MCM9: variants seen among roughly 807,000 people sequenced by gnomAD.
The protein encoded by MCM9 is DNA helicase MCM9.
MCM9 carries 55 observed loss-of-function variants against 72.8 expected under a neutral mutation model. The observed-to-expected ratio is 0.76, with a 90% CI of 0.61 to 0.95. MCM9 has a LOEUF of 0.95. Ranked by LOEUF, MCM9 falls within the 40% of genes least tolerant of loss-of-function variation. The probability of loss-of-function intolerance (pLI) is 0.00; values close to 1 mark genes in which losing one functional copy is unlikely to be tolerated. For synonymous variants in MCM9, 480 were observed against 503.4 expected (o/e 0.95, Z 0.62); for missense variants, 1,279 against 1,377.0 (o/e 0.93, Z 1.13).
At chr6:118,831,590 C>T (rs545107469) in intron 9 of MCM9, among the ~76,000 whole-genome samples, 3 of 152,032 alleles carry the variant, frequency 2.0e-5, no homozygotes, top group Admixed American at 1.3e-4. Context: ...ATATGTAAAC[C>T]TGGTGGGTAC....
chr6:118,848,371 C>T (rs1047636493), intron 9 of MCM9, among the ~76,000 whole-genome samples: 10 of 151,710 alleles, frequency 6.6e-5, no homozygotes, highest in South Asian at 2.1e-4. Context: ...TATTATAAAA[C>T]GTAAGCCCTA....
intron 9 of MCM9, among the ~76,000 whole-genome samples, chr6:118,843,686 G>GTATGTATATATATA (rs1342376738): frequency 0.01 from 326 of 31,204 alleles, 5 homozygotes; most frequent in South Asian, 0.04. Flanking sequence ...ATATATATAT[G>GTATGTATATATATA]TGTATATATA....
intron 9 of MCM9, among the ~76,000 whole-genome samples, chr6:118,842,454 T>C (rs545397894): frequency 1.2e-4 from 19 of 152,352 alleles, no homozygotes; most frequent in African/African-American, 4.6e-4. Context: ...TGTGGCACTG[T>C]GCTGCCATTC....
At chr6:118,837,850 C>T (rs1299968858) in intron 9 of MCM9, among the ~76,000 whole-genome samples, 1 of 152,094 alleles carries the variant, frequency 6.6e-6, no homozygotes, top group Non-Finnish European at 1.5e-5. Context: ...GGACATTTAG[C>T]CTGTTTACAT....
intron 8 of MCM9, among the ~76,000 whole-genome samples, chr6:118,882,995 CTG>C (rs1221846592): frequency 6.9e-6 from 1 of 145,574 alleles, no homozygotes; most frequent in African/African-American, 2.6e-5. Flanking sequence ...CAGAAGCTGC[CTG>C]TGAGAGGATC....
chr6:118,894,970 G>A (rs1161206563), intron 8 of MCM9, among the ~76,000 whole-genome samples: 1 of 152,162 alleles, frequency 6.6e-6, no homozygotes, highest in Non-Finnish European at 1.5e-5. Flanking sequence ...CCCGAGTCGA[G>A]AATTGGGCCA....
chr6:118,880,141 G>C (rs751421957), intron 8 of MCM9, among the ~76,000 whole-genome samples: 1 of 151,880 alleles, frequency 6.6e-6, no homozygotes, highest in Non-Finnish European at 1.5e-5. Context: ...TTAAAGAATG[G>C]TTTGTAACAT....
At chr6:118,907,507 C>T (rs557053322) in intron 8 of MCM9, 1 of 1,613,534 alleles carries the variant, frequency 6.2e-7, no homozygotes, top group South Asian at 1.1e-5. Context: ...TAATCCAAAT[C>T]TACAGTCACT....
intron 8 of MCM9, chr6:118,910,595 A>G: frequency 1.0e-6 from 1 of 982,988 alleles, no homozygotes; most frequent in Non-Finnish European, 1.2e-6. Context: ...CATTCCACAT[A>G]ATTACTTGGG....
At position 118,850,764 on chromosome 6, in the gene MCM9, A is replaced by C. The variant is rs573529292; in HGVS notation, c.1325+5607T>G. Among the ~76,000 whole-genome samples the C allele has an allele frequency of 4.2e-4, 64 of 151,880 alleles. 2 individuals carry two copies. The highest frequency in any genetic ancestry group is 1.5e-3 in the African/African-American group (63 of 41,188). ...AGGCCACATTCTCTGTATGGAAAAC[A>C]CAGAACCGAATAATCCAAGACAGAA... On this transcript the variant is annotated intron_variant, in intron 9 of 13. Transcript: ENST00000619706.
intron 5 of MCM9, 184 bp downstream of exon 5, chr6:118,921,821 G>GTA: frequency 4.0e-6 from 2 of 505,680 alleles, no homozygotes; most frequent in South Asian, 5.9e-5. Flanking sequence ...AGCTGCTGTT[G>GTA]TATAGATCTA....
rs935505577 is a variant in MCM9, at chr6:118,923,720, T to C, written c.621+91A>G. 4 of 1,077,762 alleles carry C rather than the reference T, an allele frequency of 3.7e-6. No homozygotes were observed. The Admixed American group carries it at 8.8e-5, about 24-fold the overall frequency. The allele number at this position is 1,077,762 out of a possible 1,614,324, so 66.8% of individuals were successfully genotyped here. On this transcript the variant is annotated intron_variant, in intron 4 of 13. Coordinates refer to ENST00000619706, the MANE Select transcript of MCM9 (RefSeq NM_017696.3). The stretch of plus-strand genomic sequence containing the variant: ...CAAAGTGACAACACAAGTACATTTG[T>C]ATCCATTCTGTGTTCCCTAATCCTC...
intron 5 of MCM9, chr6:118,919,537 A>C (rs1443167472): frequency 2.6e-5 from 4 of 152,216 alleles, no homozygotes; most frequent in Non-Finnish European, 5.9e-5. Context: ...TAAAGTAATT[A>C]ATACCTTTAA....
At position 118,814,732 on chromosome 6, in the gene MCM9, T is replaced by C; in HGVS notation, c.*92A>G. On this transcript the variant is annotated 3_prime_UTR_variant, in exon 14 of 14. Coordinates refer to ENST00000619706, the MANE Select transcript of MCM9 (RefSeq NM_017696.3). ...TCAGAGTGATCCTCAATATGGCCAA[T>C]TGTTCTATACATTTATAAATACCAT... 8.0e-7 allele frequency: 1 copy of C among 1,250,812 alleles called. No homozygotes were observed. Among genetic ancestry groups the C allele is most frequent in the Non-Finnish European group, 1.1e-6 (1 of 928,452 alleles). 77.5% of individuals were successfully genotyped at this position (1,250,812 alleles called of 1,614,324 possible).
chr6:118,923,436 C>T (rs1243273998), intron 4 of MCM9, among the ~76,000 whole-genome samples: 1 of 152,110 alleles, frequency 6.6e-6, no homozygotes, highest in Non-Finnish European at 1.5e-5. Flanking sequence ...AAGCACAAGC[C>T]ACCATGCCTG....
At chr6:118,867,391 G>A (rs1777283160) in intron 8 of MCM9, among the ~76,000 whole-genome samples, 1 of 152,120 alleles carries the variant, frequency 6.6e-6, no homozygotes, top group South Asian at 2.1e-4. Context: ...GTAAACAAAT[G>A]TACTGCTCCG....
At position 118,921,999 on chromosome 6, in the gene MCM9, T is replaced by G. The variant is rs374510141; in HGVS notation, c.703+6A>C. 8.1e-6 allele frequency: 13 copies of G among 1,609,610 alleles called. No homozygotes were observed. In the African/African-American group the frequency reaches 1.7e-4, roughly 22 times the overall value. ...ACAAGCTAAAAAAAAATTCCCCTCT[T>G]CTTACCAGATTTGCAACTATCCACT... is the stretch of plus-strand genomic sequence containing the variant. On this transcript the variant is annotated splice_donor_region_variant and intron_variant, in intron 5 of 13. Transcript: ENST00000619706.
intron 8 of MCM9, among the ~76,000 whole-genome samples, chr6:118,880,670 T>C (rs143624412): frequency 1.3e-5 from 2 of 152,352 alleles, no homozygotes; most frequent in East Asian, 1.9e-4. Flanking sequence ...ATAGTACTTC[T>C]AATGATTAAA....
chr6:118,911,696 A>C lies in MCM9; in HGVS notation c.1104T>G (p.Ile368Met). ...CTGTGGTCAGCACAGATCTTGGTGT[A>C]ATCTTTGCTGCATATTTGAGGAACT... The part of the protein sequence containing the change: ...KSQFLKYAAK[I>M]TPRSVLTTGI... Residue 368 changes from isoleucine (I) to methionine (M), a missense_variant, in exon 8 of 14, where the codon ATT (isoleucine) becomes ATG (methionine). Physicochemically the swap from Ile to Met is conservative, Grantham distance 10. Transcript: ENST00000619706. The C allele has an allele frequency of 6.2e-7, 1 of 1,613,778 alleles. No homozygotes were observed. Among genetic ancestry groups the C allele is most frequent in the Non-Finnish European group, 8.5e-7 (1 of 1,179,832 alleles).
Sources: allele counts gnomAD v4.1 joint callset (sites outside exome capture counted in the v4.1 genomes callset), GRCh38; gene constraint gnomAD v4.1.1; transcripts MANE v1.5; gene names NCBI Gene and HGNC (gene_info 2026-07-23, HGNC 2026-07-21).